Variants in SH2D4B observed in about 807,000 individuals in gnomAD.
SH2D4B encodes SH2 domain-containing protein 4B.
In SH2D4B, 45 loss-of-function variants were observed where a neutral mutation model predicts 61.5. The observed-to-expected ratio is 0.73, with a 90% CI of 0.58 to 0.94. The LOEUF is 0.94. SH2D4B is among the 40% of genes least tolerant of loss of function. The pLI is 0.00. For synonymous variants in SH2D4B, 224 were observed against 220.4 expected (o/e 1.02, Z -0.14); for missense variants, 572 against 574.2 (o/e 1.00, Z 0.04).
At chr10:80,605,599 A>T (rs934318689) in intron 5 of SH2D4B, among the ~76,000 whole-genome samples, 3 of 151,886 alleles carry the variant, frequency 2.0e-5, no homozygotes, top group Non-Finnish European at 4.4e-5. Flanking sequence ...ACTCACTGCA[A>T]CCTCCGCCTC....
At chr10:80,636,257 T>A (rs1345268486) in intron 7 of SH2D4B, among the ~76,000 whole-genome samples, 2 of 152,224 alleles carry the variant, frequency 1.3e-5, no homozygotes, top group Non-Finnish European at 2.9e-5. Flanking sequence ...GCAATAAACA[T>A]ACGTGTGCAT....
chr10:80,585,351 G>C (rs1275687825), intron 3 of SH2D4B, among the ~76,000 whole-genome samples: 2 of 148,648 alleles, frequency 1.3e-5, no homozygotes, highest in Non-Finnish European at 3.0e-5. Flanking sequence ...GAGATGGAGA[G>C]TCGCCCAGTC....
chr10:80,570,995 C>T (rs1842035144), intron 2 of SH2D4B, among the ~76,000 whole-genome samples: 1 of 152,144 alleles, frequency 6.6e-6, no homozygotes, highest in South Asian at 2.1e-4. Context: ...CCGCCTCAGC[C>T]TCCTGAGTAT....
intron 3 of SH2D4B, among the ~76,000 whole-genome samples, chr10:80,579,877 G>A (rs774116502): frequency 1.3e-5 from 2 of 152,130 alleles, no homozygotes; most frequent in Non-Finnish European, 2.9e-5. Flanking sequence ...CAAGGCTGAC[G>A]CCGACAAAAC....
intron 1 of SH2D4B, among the ~76,000 whole-genome samples, chr10:80,567,234 A>G (rs1232550618): frequency 6.6e-6 from 1 of 152,180 alleles, no homozygotes; most frequent in Non-Finnish European, 1.5e-5. Context: ...CCCTTCCCTG[A>G]CATTCCGTGG....
chr10:80,571,445 CA>C lies in SH2D4B; in HGVS notation c.363del (p.Glu122ArgfsTer73), dbSNP rs751662375. 6.2e-7 allele frequency: 1 copy of C among 1,613,950 alleles called. No individual in the cohort carries two copies. Among genetic ancestry groups the C allele is most frequent in the Admixed American group, 1.7e-5 (1 of 60,020 alleles). On this transcript the variant is annotated frameshift_variant, in exon 3 of 8. Coordinates refer to ENST00000646907, the MANE Select transcript of SH2D4B (RefSeq NM_001388272.1). LOFTEE classifies it high-confidence loss of function. ...TCTCTTGGTAGGAGACAGAAGGAGG[CA>C]GAGATCACCAAGAAGTTCCGGGATG... Reference protein sequence around the residue: ...EAEELWRQKEAEITKKFRDAL... With the variant: ...EAEELWRQKEXEITKKFRDAL...
At chr10:80,618,122 T>G (rs377656462) in intron 6 of SH2D4B, among the ~76,000 whole-genome samples, 4 of 152,340 alleles carry the variant, frequency 2.6e-5, no homozygotes, top group South Asian at 4.1e-4. Flanking sequence ...TGAATGATAC[T>G]GGGCAGGCAA....
At chr10:80,580,615 T>G (rs1033692104) in intron 3 of SH2D4B, among the ~76,000 whole-genome samples, 1 of 152,186 alleles carries the variant, frequency 6.6e-6, no homozygotes, top group Non-Finnish European at 1.5e-5. Flanking sequence ...GGGAACTCAG[T>G]TTTTAAAGTT....
intron 1 of SH2D4B, among the ~76,000 whole-genome samples, chr10:80,543,800 G>A (rs12769050): frequency 0.01 from 1,214 of 119,868 alleles, no homozygotes; most frequent in African/African-American, 0.026. Flanking sequence ...GTCTAGCTCA[G>A]GGTTTGTGAA....
intron 4 of SH2D4B, among the ~76,000 whole-genome samples, chr10:80,597,873 C>A (rs189121812): frequency 1.3e-5 from 2 of 151,922 alleles, no homozygotes; most frequent in Admixed American, 1.3e-4. Context: ...GGTCATGGCA[C>A]GTGTTGCAGT....
At chr10:80,577,724 C>G (rs61861592) in intron 3 of SH2D4B, among the ~76,000 whole-genome samples, 2 of 151,354 alleles carry the variant, frequency 1.3e-5, no homozygotes, top group South Asian at 2.1e-4. Context: ...CAGCGCCCGG[C>G]CTTTTTTTTT....
At chr10:80,588,442 G>C (rs749081230) in intron 3 of SH2D4B, among the ~76,000 whole-genome samples, 188 bp from the exon 4 acceptor site, 1 of 152,118 alleles carries the variant, frequency 6.6e-6, no homozygotes, top group African/African-American at 2.4e-5. Flanking sequence ...TAATTTTTGC[G>C]TTTATCCAAA....
chr10:80,563,246 T>G (rs969749093), intron 1 of SH2D4B, among the ~76,000 whole-genome samples: 6 of 152,256 alleles, frequency 3.9e-5, no homozygotes, highest in African/African-American at 1.4e-4. Flanking sequence ...TTGTATGCCT[T>G]CCTTTGAGAA....
At chr10:80,612,122 A>G (rs1842608134) in intron 6 of SH2D4B, among the ~76,000 whole-genome samples, 2 of 148,842 alleles carry the variant, frequency 1.3e-5, no homozygotes, top group Non-Finnish European at 3.0e-5. Context: ...GGTTATTTTT[A>G]TATATTGCCT....
chr10:80,642,289 G>A (rs374742379), intron 7 of SH2D4B, among the ~76,000 whole-genome samples: 4 of 152,294 alleles, frequency 2.6e-5, no homozygotes, highest in African/African-American at 9.6e-5. Flanking sequence ...ATAAATGAGT[G>A]ACTTGATTTT....
chr10:80,555,646 C>T (rs980312208), intron 1 of SH2D4B, among the ~76,000 whole-genome samples: 1 of 152,100 alleles, frequency 6.6e-6, no homozygotes, highest in Non-Finnish European at 1.5e-5. Context: ...CGTTGAATGT[C>T]GTGGGGAAAT....
intron 1 of SH2D4B, among the ~76,000 whole-genome samples, chr10:80,567,834 C>G (rs1335156902): frequency 6.6e-6 from 1 of 152,188 alleles, no homozygotes; most frequent in Non-Finnish European, 1.5e-5. Flanking sequence ...GCCTTTGAAA[C>G]CTGCCTGCTG....
At chr10:80,572,970 A>T (rs1234597223) in intron 3 of SH2D4B, among the ~76,000 whole-genome samples, 2 of 9,090 alleles carry the variant, frequency 2.2e-4, no homozygotes, top group African/African-American at 2.8e-4. Flanking sequence ...ATATATATAT[A>T]TATATATATA....
At chr10:80,627,018 G>A (rs1842773706) in intron 6 of SH2D4B, among the ~76,000 whole-genome samples, 2 of 152,310 alleles carry the variant, frequency 1.3e-5, no homozygotes, top group South Asian at 4.1e-4. Flanking sequence ...GAAGACCAAA[G>A]GAGAAGGGTC....
Sources: allele counts gnomAD v4.1 joint callset (sites outside exome capture counted in the v4.1 genomes callset), GRCh38; gene constraint gnomAD v4.1.1; transcripts MANE v1.5; gene names NCBI Gene and HGNC (gene_info 2026-07-23, HGNC 2026-07-21).